MAP3K20: variants seen among roughly 807,000 people sequenced by gnomAD.
The protein encoded by MAP3K20 is mitogen-activated protein kinase kinase kinase 20, also known as HCCS-4.
In MAP3K20, 40 loss-of-function variants were observed where a neutral mutation model predicts 85.7. That is an observed-to-expected ratio of 0.47 (90% CI 0.36 to 0.61). The LOEUF is 0.61. MAP3K20 is among the 20% of genes least tolerant of loss of function. The pLI, the probability that MAP3K20 is intolerant of heterozygous loss-of-function variation, is 0.00. For missense variants in MAP3K20, 817 were observed against 961.7 expected (o/e 0.85, Z 1.99); for synonymous variants, 325 against 327.7 (o/e 0.99, Z 0.09).
chr2:173,084,530 A>G (rs1236974224), intron 1 of MAP3K20, among the ~76,000 whole-genome samples: 1 of 152,228 alleles, frequency 6.6e-6, no homozygotes. Context: ...CAGAAATGAC[A>G]AAAACCAAAA....
At chr2:173,230,047 G>A (rs1197356260) in intron 12 of MAP3K20, among the ~76,000 whole-genome samples, 1 of 152,136 alleles carries the variant, frequency 6.6e-6, no homozygotes, top group Non-Finnish European at 1.5e-5. Flanking sequence ...GGCCAGGCTG[G>A]TCTCGAACTC....
At chr2:173,168,986 G>A (rs13032024) in intron 2 of MAP3K20, among the ~76,000 whole-genome samples, 151,053 of 152,314 alleles carry the variant, frequency 0.99, 74,917 homozygotes, top group Middle Eastern at 1. Flanking sequence ...GCCTCCTATC[G>A]AATCACCACT....
chr2:173,079,645 T>G (rs1358560874), intron 1 of MAP3K20, among the ~76,000 whole-genome samples: 3 of 146,056 alleles, frequency 2.1e-5, no homozygotes, highest in Non-Finnish European at 1.5e-5. Flanking sequence ...TTTTCTATTT[T>G]TAAATTTAAA....
chr2:173,235,305 C>T (rs1233012415), intron 14 of MAP3K20, among the ~76,000 whole-genome samples: 1 of 152,146 alleles, frequency 6.6e-6, no homozygotes, highest in Non-Finnish European at 1.5e-5. Context: ...TCTGGAGTTA[C>T]TTGCAGAATG....
chr2:173,129,338 A>T (rs1418504318), intron 2 of MAP3K20, among the ~76,000 whole-genome samples: 1 of 152,182 alleles, frequency 6.6e-6, no homozygotes, highest in African/African-American at 2.4e-5. Context: ...ATTTCATTTC[A>T]TTCTTACCAC....
chr2:173,222,659 A>C, intron 11 of MAP3K20: 6 of 984,980 alleles, frequency 6.1e-6, no homozygotes, highest in Non-Finnish European at 6.0e-6. Context: ...AGAGGAAATT[A>C]AATATTATAA....
chr2:173,131,281 T>C (rs180839470), intron 2 of MAP3K20, among the ~76,000 whole-genome samples: 8 of 152,326 alleles, frequency 5.3e-5, no homozygotes, highest in South Asian at 2.1e-4. Context: ...TACACACATA[T>C]AAAGTTACAT....
intron 2 of MAP3K20, among the ~76,000 whole-genome samples, chr2:173,163,555 TC>T (rs1229413394): frequency 1.3e-5 from 2 of 152,228 alleles, no homozygotes; most frequent in African/African-American, 2.4e-5. Context: ...TATTCCTAGC[TC>T]CATCCATGTT....
intron 2 of MAP3K20, among the ~76,000 whole-genome samples, chr2:173,134,418 A>T (rs867808226): frequency 0.16 from 958 of 5,952 alleles, 90 homozygotes; most frequent in Non-Finnish European, 0.26. Context: ...ATATATATAT[A>T]TATATATATA....
intron 3 of MAP3K20, among the ~76,000 whole-genome samples, chr2:173,177,790 A>G (rs1483535389): frequency 6.6e-6 from 1 of 152,178 alleles, no homozygotes; most frequent in African/African-American, 2.4e-5. Flanking sequence ...GTAACATATC[A>G]AAATTATAGA....
At chr2:173,239,531 A>C in intron 16 of MAP3K20, 35 bp downstream of exon 16, 213 of 1,576,482 alleles carry the variant, frequency 1.4e-4, no homozygotes, top group Middle Eastern at 3.3e-4. Context: ...GATAAATCTC[A>C]ATCGAACTAC....
At chr2:173,078,322 T>G (rs1686922415) in intron 1 of MAP3K20, among the ~76,000 whole-genome samples, 1 of 152,254 alleles carries the variant, frequency 6.6e-6, no homozygotes, top group African/African-American at 2.4e-5. Flanking sequence ...ATCACTTGTT[T>G]TCCATTTTAT....
intron 1 of MAP3K20, among the ~76,000 whole-genome samples, chr2:173,079,192 A>G (rs1686947476): frequency 6.6e-6 from 1 of 152,258 alleles, no homozygotes; most frequent in African/African-American, 2.4e-5. Context: ...GCATGCTGCT[A>G]TACTGAATAG....
intron 3 of MAP3K20, among the ~76,000 whole-genome samples, chr2:173,175,404 C>T (rs1010660305): frequency 7.2e-5 from 11 of 152,046 alleles, no homozygotes; most frequent in African/African-American, 1.9e-4. Flanking sequence ...CGTAGGTTGC[C>T]GCTTGTCTGT....
chr2:173,150,664 C>T (rs922046495), intron 2 of MAP3K20, among the ~76,000 whole-genome samples: 2 of 152,134 alleles, frequency 1.3e-5, no homozygotes, highest in Non-Finnish European at 2.9e-5. Context: ...CTCCCGGGTT[C>T]GAGCAATTCT....
intron 2 of MAP3K20, among the ~76,000 whole-genome samples, chr2:173,134,589 G>T: frequency 6.7e-6 from 1 of 149,610 alleles, no homozygotes. Context: ...TGACTTAGTT[G>T]GTCTTAGTTA....
intron 2 of MAP3K20, among the ~76,000 whole-genome samples, chr2:173,134,265 A>T (rs1172959409): frequency 7.2e-6 from 1 of 139,068 alleles, no homozygotes; most frequent in Non-Finnish European, 1.5e-5. Context: ...ATTTTGGCTT[A>T]CTGGCTTACT....
chr2:173,124,414 C>CG (rs1688383904), intron 2 of MAP3K20, among the ~76,000 whole-genome samples: 1 of 152,090 alleles, frequency 6.6e-6, no homozygotes, highest in Admixed American at 6.5e-5. Flanking sequence ...GCCTGCTCCC[C>CG]GGGCTGTGAC....
intron 2 of MAP3K20, among the ~76,000 whole-genome samples, chr2:173,125,223 T>C (rs1688407886): frequency 6.6e-6 from 1 of 152,222 alleles, no homozygotes; most frequent in Admixed American, 6.5e-5. Context: ...CCATTAAATA[T>C]ATCCCTTATA....
Sources: gnomAD v4.1 joint callset for allele counts (sites outside exome capture counted in the v4.1 genomes callset) on GRCh38, gnomAD v4.1.1 for gene constraint, MANE v1.5 for transcripts, NCBI Gene and HGNC (gene_info 2026-07-23, HGNC 2026-07-21) for gene names.